ANKRD31: variants seen among roughly 807,000 people sequenced by gnomAD.
ANKRD31 encodes the protein ankyrin repeat domain 31, also known as ankyrin repeat domain-containing protein 31.
A neutral mutation model predicts 186.0 loss-of-function variants in ANKRD31; 147 were observed. That is an observed-to-expected ratio of 0.79 (90% CI 0.69 to 0.91). The LOEUF (loss-of-function observed/expected upper bound fraction) is 0.91, where lower values mean the gene tolerates loss of function less well. Ranked by LOEUF, ANKRD31 falls within the 40% of genes least tolerant of loss-of-function variation. The pLI is 0.00. For missense variants in ANKRD31, 1,986 were observed against 2,148.8 expected, an observed-to-expected ratio of 0.92 and a Z score of 1.50; for synonymous variants, 673 against 736.4, an observed-to-expected ratio of 0.91 and a Z score of 1.39.
intron 17 of ANKRD31, among the ~76,000 whole-genome samples, chr5:75,125,925 A>G (rs1445431828): frequency 6.6e-6 from 1 of 152,222 alleles, no homozygotes. Context: ...GGCTTACTGA[A>G]GTGATCACGA....
intron 2 of ANKRD31, among the ~76,000 whole-genome samples, chr5:75,223,621 CT>C (rs1757434891): frequency 6.6e-6 from 1 of 151,960 alleles, no homozygotes; most frequent in Admixed American, 6.5e-5. Flanking sequence ...AATATACCCC[CT>C]ATAGATCAAA....
At chr5:75,213,418 T>A (rs1200145451) in intron 3 of ANKRD31, among the ~76,000 whole-genome samples, 1 of 151,912 alleles carries the variant, frequency 6.6e-6, no homozygotes, top group East Asian at 1.9e-4. Flanking sequence ...AAAAGGTAAA[T>A]GCAAAAGGTA....
chr5:75,224,131 A>T (rs1354361122), intron 2 of ANKRD31, among the ~76,000 whole-genome samples: 10 of 31,996 alleles, frequency 3.1e-4, no homozygotes, highest in East Asian at 2.8e-3. Flanking sequence ...AGAAATAATT[A>T]TATATATATA....
chr5:75,221,887 A>C (rs1260306401), intron 3 of ANKRD31, among the ~76,000 whole-genome samples: 1 of 152,166 alleles, frequency 6.6e-6, no homozygotes, highest in African/African-American at 2.4e-5. Flanking sequence ...TATATAATAC[A>C]TATAAAAGAA....
intron 3 of ANKRD31, among the ~76,000 whole-genome samples, chr5:75,219,408 AAAAC>A (rs1292042422): frequency 6.6e-6 from 1 of 152,050 alleles, no homozygotes; most frequent in African/African-American, 2.4e-5. Context: ...AACAACACCA[AAAAC>A]AAACAAACAA....
rs1002774426 is a variant in ANKRD31, at chr5:75,193,417, C to T, written c.1192G>A (p.Asp398Asn). The change falls in exon 8 of 26, where the codon GAT (aspartate) becomes AAT (asparagine). Residue 398 changes from aspartate (D) to asparagine (N), a missense_variant. Coordinates refer to ENST00000506364, the MANE Select transcript of ANKRD31 (RefSeq NM_001372053.1). The stretch of plus-strand genomic sequence containing the variant: ...TACATGTGATCTGAGTACTTTGCAT[C>T]TCTGCTTACTTTCAGTTTTTCTAGT... The part of the protein sequence containing the change: ...SRLEKLKVSR[D>N]AKYSDHMYKM... 4 of 1,537,236 alleles carry T rather than the reference C, an allele frequency of 2.6e-6. No individual in the cohort carries two copies. In the East Asian group the frequency reaches 7.3e-5, roughly 28 times the overall value.
chr5:75,156,325 G>A (rs922055899), intron 11 of ANKRD31, among the ~76,000 whole-genome samples: 7 of 152,144 alleles, frequency 4.6e-5, no homozygotes, highest in Non-Finnish European at 7.3e-5. Flanking sequence ...TGAGATGTGT[G>A]TGTATGTATG....
chr5:75,124,326 G>A (rs1749031714), intron 17 of ANKRD31, among the ~76,000 whole-genome samples: 1 of 152,184 alleles, frequency 6.6e-6, no homozygotes, highest in African/African-American at 2.4e-5. Context: ...CTTATACACT[G>A]TTGGTGGGAA....
intron 25 of ANKRD31, among the ~76,000 whole-genome samples, chr5:75,070,748 A>G (rs1744158941): frequency 6.6e-6 from 1 of 152,206 alleles, no homozygotes; most frequent in Non-Finnish European, 1.5e-5. Flanking sequence ...AGCATCTTTC[A>G]TATACTTAGC....
At chr5:75,125,808 T>G (rs1749203318) in intron 17 of ANKRD31, among the ~76,000 whole-genome samples, 1 of 152,108 alleles carries the variant, frequency 6.6e-6, no homozygotes. Context: ...AAGCTAAAGT[T>G]GGGAGGGAGC....
intron 25 of ANKRD31, among the ~76,000 whole-genome samples, chr5:75,075,410 G>T (rs1744553525): frequency 6.6e-6 from 1 of 152,002 alleles, no homozygotes; most frequent in Non-Finnish European, 1.5e-5. Context: ...TTGCACAATT[G>T]CCTAGCACTT....
chr5:75,213,286 T>C (rs1257894177), intron 3 of ANKRD31, among the ~76,000 whole-genome samples: 1 of 152,226 alleles, frequency 6.6e-6, no homozygotes, highest in Non-Finnish European at 1.5e-5. Flanking sequence ...TTCATTTATC[T>C]TACTAAAGGA....
chr5:75,146,637 T>C lies in ANKRD31; in HGVS notation c.2774A>G (p.Lys925Arg), dbSNP rs1389680492. ...SKKVLCSTGGKKHYNFKENLT... is the reference protein window; with the variant it reads ...SKKVLCSTGGRKHYNFKENLT... ...ATTCTCCTTAAAATTATAGTGTTTTTTGCCACCTGTAGAACACAACACCTT... is the reference window on the plus strand; with the variant it reads ...ATTCTCCTTAAAATTATAGTGTTTTCTGCCACCTGTAGAACACAACACCTT... Residue 925 changes from lysine to arginine, a missense_variant, in exon 14 of 26, where the codon AAA becomes AGA. Coordinates refer to ENST00000506364, the MANE Select transcript of ANKRD31 (RefSeq NM_001372053.1). The C allele has an allele frequency of 1.3e-6, 2 of 1,535,804 alleles. No homozygotes were observed. The highest frequency in any genetic ancestry group is 1.7e-4 in the Middle Eastern group (1 of 5,974).
Position 75,146,970 on chromosome 5 carries a change from T to C in ANKRD31, c.2441A>G (p.Asp814Gly), listed in dbSNP as rs548170789. 3.4e-5 allele frequency: 52 copies of C among 1,536,256 alleles called. No homozygotes were observed. The highest frequency in any genetic ancestry group is 4.3e-5 in the Non-Finnish European group (49 of 1,146,308). ...VSKEKHIQNLDLSDSQEVQCL... is the reference protein window; with the variant it reads ...VSKEKHIQNLGLSDSQEVQCL... The stretch of plus-strand genomic sequence containing the variant: ...TTGAACTTCTTGACTATCTGATAAA[T>C]CCAGGTTCTGGATGTGTTTCTCTTT... The change falls in exon 14 of 26, where the codon GAT (aspartate) becomes GGT (glycine). Residue 814 changes from aspartate to glycine, a missense_variant. Transcript: ENST00000506364.
intron 10 of ANKRD31, among the ~76,000 whole-genome samples, chr5:75,182,612 G>A (rs1754399251): frequency 6.6e-6 from 1 of 151,698 alleles, no homozygotes; most frequent in African/African-American, 2.4e-5. Context: ...CCAGCTATTC[G>A]GGAGGCTGAG....
chr5:75,139,932 T>C (rs895492621), intron 15 of ANKRD31, among the ~76,000 whole-genome samples: 1 of 152,176 alleles, frequency 6.6e-6, no homozygotes, highest in African/African-American at 2.4e-5. Flanking sequence ...CAACCACTTC[T>C]CTTATCCCAG....
intron 3 of ANKRD31, among the ~76,000 whole-genome samples, chr5:75,215,201 G>GC (rs1377586204): frequency 1.3e-5 from 2 of 152,174 alleles, no homozygotes; most frequent in Admixed American, 6.5e-5. Flanking sequence ...TGCGGGGAGA[G>GC]GCAGGTCTTT....
At chr5:75,201,181 GT>G (rs1179438915) in intron 5 of ANKRD31, among the ~76,000 whole-genome samples, 2 of 152,038 alleles carry the variant, frequency 1.3e-5, no homozygotes, top group South Asian at 2.1e-4. Flanking sequence ...TAATAAACCT[GT>G]TTTTTTCCCT....
chr5:75,193,832 T>C (rs1580531454), intron 7 of ANKRD31, among the ~76,000 whole-genome samples: 1 of 152,180 alleles, frequency 6.6e-6, no homozygotes, highest in East Asian at 1.9e-4. Context: ...TCAATATTTA[T>C]CTTGAAAATT....
Sources: gnomAD v4.1 joint callset for allele counts (sites outside exome capture counted in the v4.1 genomes callset) on GRCh38, gnomAD v4.1.1 for gene constraint, MANE v1.5 for transcripts, NCBI Gene and HGNC (gene_info 2026-07-23, HGNC 2026-07-21) for gene names.